CARD14: variants seen among roughly 807,000 people sequenced by gnomAD.
The protein encoded by CARD14 is caspase recruitment domain family member 14.
In CARD14, 107 loss-of-function variants were observed where a neutral mutation model predicts 111.5. The ratio of observed to expected loss-of-function variants is 0.96; its 90% confidence interval spans 0.82 to 1.13. The LOEUF is 1.13. CARD14 is among the 50% of genes most tolerant of loss of function. The probability of loss-of-function intolerance (pLI) is 0.00; values close to 1 mark genes in which losing one functional copy is unlikely to be tolerated. For synonymous variants in CARD14, 617 were observed against 579.6 expected, an observed-to-expected ratio of 1.06 and a Z score of -0.93; for missense variants, 1,322 against 1,362.3, an observed-to-expected ratio of 0.97 and a Z score of 0.47.
Position 80,208,578 on chromosome 17 carries a change from G to A in CARD14, c.*233G>A. ...AACATCTTCACCCTTTACCAGGCTT[G>A]GCATGGTCTGAACTGGAAACCCTGA... On this transcript the variant is annotated 3_prime_UTR_variant, in exon 24 of 24. Coordinates refer to ENST00000648509, the MANE Select transcript of CARD14 (RefSeq NM_001366385.1). 2.1e-6 allele frequency: 1 copy of A among 482,636 alleles called. No homozygotes were observed. Among genetic ancestry groups the A allele is most frequent in the Non-Finnish European group, 3.6e-6 (1 of 274,266 alleles). The allele number at this position is 482,636 out of a possible 1,614,324, so 29.9% of individuals were successfully genotyped here. A position where few individuals can be genotyped will look rare whatever the true frequency, so the allele number is the denominator to read the frequency against.
At chr17:80,207,139 C>A in intron 23 of CARD14, 54 bp downstream of exon 23, 1 of 1,307,976 alleles carries the variant, frequency 7.6e-7, no homozygotes, top group Non-Finnish European at 1.1e-6. Context: ...CTGGGCTCCC[C>A]CAAAGCCCAC....
At chr17:80,206,202 C>G (rs761821633) in intron 22 of CARD14, among the ~76,000 whole-genome samples, 51 of 152,316 alleles carry the variant, frequency 3.3e-4, no homozygotes, top group Non-Finnish European at 4.4e-4. Context: ...CTGGGGCTCA[C>G]GCCTGTCATC....
Position 80,177,083 on chromosome 17 carries a change from G to C in CARD14, c.-366-1425G>C, listed in dbSNP as rs545140198. Among the ~76,000 whole-genome samples, 85 of 152,324 alleles carry C rather than the reference G, an allele frequency of 5.6e-4. 1 individual carries two copies. The highest frequency in any genetic ancestry group is 2.0e-3 in the African/African-American group (82 of 41,576). On this transcript the variant is annotated intron_variant, in intron 2 of 23. Transcript: ENST00000648509. Reference sequence around the variant, plus strand: ...TGAGCAGGGCCGCACCCCCATGAAGGCTCCAGGGAGGGTCTGCTTCATGCC... The same window carrying C: ...TGAGCAGGGCCGCACCCCCATGAAGCCTCCAGGGAGGGTCTGCTTCATGCC...
At position 80,190,697 on chromosome 17, in the gene CARD14, G is replaced by T. The variant is rs543448356; in HGVS notation, c.964-77G>T. Reference sequence around the variant, plus strand: ...GAACTGTCTCCCTCCCTCCACCCCTGGGTTCCCCGACCCCCTTCTAAGGCC... The same window carrying T: ...GAACTGTCTCCCTCCCTCCACCCCTTGGTTCCCCGACCCCCTTCTAAGGCC... On this transcript the variant is annotated intron_variant, in intron 9 of 23. Coordinates refer to ENST00000648509, the MANE Select transcript of CARD14 (RefSeq NM_001366385.1). The T allele has an allele frequency of 2.0e-4, 318 of 1,563,202 alleles. 3 individuals carry two copies. In the South Asian group the frequency reaches 3.1e-3, roughly 15 times the overall value.
At chr17:80,171,351 C>T (rs551157533) in intron 1 of CARD14, among the ~76,000 whole-genome samples, 1 of 150,194 alleles carries the variant, frequency 6.7e-6, no homozygotes, top group Non-Finnish European at 1.5e-5. Context: ...CAGGGTCTTG[C>T]TCTGTCACCC....
chr17:80,179,786 C>T (rs562427664), intron 4 of CARD14, among the ~76,000 whole-genome samples: 2 of 152,286 alleles, frequency 1.3e-5, no homozygotes, highest in Non-Finnish European at 2.9e-5. Context: ...GAGCCACGAT[C>T]ACGCTACTGC....
In CARD14 at chr17:80,202,333, AG is replaced by A; in HGVS notation, c.2135del (p.Gly712AlafsTer10). Reference sequence around the variant, plus strand: ...CTGCACGTCACCGACACCATGTTCCAGGGCTGCGGCTGCTGGCATGCCCACC... The same window carrying A: ...CTGCACGTCACCGACACCATGTTCCAGGCTGCGGCTGCTGGCATGCCCACC... ...EVLHVTDTMFQGCGCWHAHRV... is the reference protein window; with the variant it reads ...EVLHVTDTMFXGCGCWHAHRV... On this transcript the variant is annotated frameshift_variant, in exon 18 of 24. Coordinates refer to ENST00000648509, the MANE Select transcript of CARD14 (RefSeq NM_001366385.1). LOFTEE classifies it high-confidence loss of function. 1 of 1,613,612 alleles carries A rather than the reference AG, an allele frequency of 6.2e-7. No individual in the cohort carries two copies. The highest frequency in any genetic ancestry group is 8.5e-7 in the Non-Finnish European group (1 of 1,180,004).
At chr17:80,173,629 C>T (rs1301340239) in intron 2 of CARD14, among the ~76,000 whole-genome samples, 3 of 150,342 alleles carry the variant, frequency 2.0e-5, no homozygotes, top group East Asian at 1.9e-4. Flanking sequence ...GATGGAGTCT[C>T]GCACTGTCAC....
At chr17:80,179,416 A>G (rs1482843979) in intron 4 of CARD14, 115 bp downstream of exon 4, 1 of 152,262 alleles carries the variant, frequency 6.6e-6, no homozygotes, top group Admixed American at 6.5e-5. Flanking sequence ...ACAGCCTTGC[A>G]CAGAACGATA....
rs2041130045 is a variant in CARD14, at chr17:80,203,934, G to A, written c.2283+49G>A. ...GACCCCACTGGGGTGGGCTGGAAGA[G>A]GGGCTCGGTGCTGGCAGGGTGGCAG... On this transcript the variant is annotated intron_variant, in intron 19 of 23. Transcript: ENST00000648509. The surrounding 1 kb of genome is among the most constrained non-coding windows in gnomAD (Gnocchi z 4.6). 1.4e-6 allele frequency: 2 copies of A among 1,461,756 alleles called. No homozygotes were observed. The highest frequency in any genetic ancestry group is 1.9e-6 in the Non-Finnish European group (2 of 1,068,576). The allele number at this position is 1,461,756 out of a possible 1,614,324, so 90.5% of individuals were successfully genotyped here. A position where few individuals can be genotyped will look rare whatever the true frequency, so the allele number is the denominator to read the frequency against.
In CARD14 at chr17:80,208,485, C is replaced by A; in HGVS notation, c.*140C>A. 1 of 725,736 alleles carries A rather than the reference C, an allele frequency of 1.4e-6. No homozygotes were observed. Among genetic ancestry groups the A allele is most frequent in the Non-Finnish European group, 2.2e-6 (1 of 459,566 alleles). The allele number at this position is 725,736 out of a possible 1,614,324, so 45.0% of individuals were successfully genotyped here. A position where few individuals can be genotyped will look rare whatever the true frequency, so the allele number is the denominator to read the frequency against. On this transcript the variant is annotated 3_prime_UTR_variant, in exon 24 of 24. Transcript: ENST00000648509. ...GCTCTCCCCACTGGCTGGGGTCTAA[C>A]CTTGAACCCTCACCACGTGCAGGTC...
At chr17:80,187,269 C>T (rs968796875) in intron 7 of CARD14, among the ~76,000 whole-genome samples, 20 of 152,208 alleles carry the variant, frequency 1.3e-4, no homozygotes, top group African/African-American at 3.4e-4. Flanking sequence ...TTAACAGCCC[C>T]GCTAAGACGG....
chr17:80,208,025 G>A (rs2041436673), intron 23 of CARD14, 113 bp from the exon 24 acceptor site: 3 of 745,206 alleles, frequency 4.0e-6, no homozygotes, highest in African/African-American at 1.8e-5. Context: ...TCCCCTCAAA[G>A]CGAGGCCACC....
rs774975851 is a variant in CARD14 at position 80,204,272 on chromosome 17, G to T, written c.2329G>T (p.Asp777Tyr). The change falls in exon 20 of 24, where the codon GAC becomes TAC. Residue 777 changes from aspartate (D) to tyrosine (Y), a missense_variant. Transcript: ENST00000648509. ...GAAGCTGGTCCGCATCGTCAGTATG[G>T]ACAAAGCCAAGGCCAGCCCTCTGCG... ...PQKLVRIVSM[D>Y]KAKASPLRLS... is the part of the protein sequence containing the mutation. 3 of 1,601,492 alleles carry T rather than the reference G, an allele frequency of 1.9e-6. No individual in the cohort carries two copies. The East Asian group carries it at 6.8e-5, about 36-fold the overall frequency.
At chr17:80,204,205 C>T in intron 19 of CARD14, 22 bp from the exon 20 acceptor site, 1 of 1,570,160 alleles carries the variant, frequency 6.4e-7, no homozygotes, top group Non-Finnish European at 8.7e-7. Flanking sequence ...TCCTCCTCAT[C>T]CTTTCTCTGT....
intron 11 of CARD14, 38 bp downstream of exon 11, chr17:80,191,510 A>G: frequency 1.3e-6 from 2 of 1,598,672 alleles, no homozygotes; most frequent in Non-Finnish European, 1.7e-6. Flanking sequence ...GAGGCCAGGC[A>G]GGGGCTGCGG....
chr17:80,192,691 C>A (rs1157329714), intron 12 of CARD14, 72 bp downstream of exon 12: 3 of 1,034,612 alleles, frequency 2.9e-6, no homozygotes, highest in Non-Finnish European at 4.4e-6. Context: ...TCTGTCAGGA[C>A]GAAAGTGAGC....
intron 2 of CARD14, among the ~76,000 whole-genome samples, chr17:80,177,935 A>G (rs1210121849): frequency 6.6e-6 from 1 of 152,110 alleles, no homozygotes; most frequent in African/African-American, 2.4e-5. Flanking sequence ...TTATTCCCAA[A>G]TGAGGTCCTA....
intron 12 of CARD14, among the ~76,000 whole-genome samples, chr17:80,192,949 C>T (rs2040574894): frequency 6.6e-6 from 1 of 152,176 alleles, no homozygotes; most frequent in South Asian, 2.1e-4. Context: ...AGGGTTTCAA[C>T]ATGTTGGCCA....
Sources: allele counts gnomAD v4.1 joint callset (sites outside exome capture counted in the v4.1 genomes callset), GRCh38; gene constraint gnomAD v4.1.1; non-coding constraint Gnocchi (gnomAD v3.1); transcripts MANE v1.5; gene names NCBI Gene and HGNC (gene_info 2026-07-23, HGNC 2026-07-21).